The following FAT4 variants were observed in gnomAD, a reference collection of about 807,000 sequenced individuals.
FAT4 encodes the protein protocadherin Fat 4.
Under a neutral mutation model 303.9 loss-of-function variants are expected in FAT4, and 84 were observed. The ratio of observed to expected loss-of-function variants is 0.28; its 90% CI spans 0.23 to 0.33. The LOEUF (loss-of-function observed/expected upper bound fraction) is 0.33, where lower values mean the gene tolerates loss of function less well. FAT4 is among the 10% of genes least tolerant of loss of function. FAT4 has a pLI of 1.00. For synonymous variants in FAT4, 2,307 were observed against 2,298.8 expected, an observed-to-expected ratio of 1.00 and a Z score of -0.10; for missense variants, 6,005 against 6,146.8, an observed-to-expected ratio of 0.98 and a Z score of 0.77.
rs1484049556 is a variant in FAT4 at position 125,385,854 on chromosome 4, T to A, written c.5176-12930T>A. 2.0e-5 allele frequency among the ~76,000 whole-genome samples: 3 copies of A among 152,196 alleles called. No homozygotes were observed. In the East Asian group the frequency reaches 5.8e-4, roughly 29 times the overall value. ...AAAATTCAGCTTTTCGTCCAGCTTTTTGTCATACTCTTATTCCACTAAAAA... is the reference window on the plus strand; with the variant it reads ...AAAATTCAGCTTTTCGTCCAGCTTTATGTCATACTCTTATTCCACTAAAAA... On this transcript the variant is annotated intron_variant, in intron 2 of 17. Coordinates refer to ENST00000394329, the MANE Select transcript of FAT4 (RefSeq NM_001291303.3).
At chr4:125,463,049 T>C (rs1165217877) in intron 10 of FAT4, among the ~76,000 whole-genome samples, 1 of 152,060 alleles carries the variant, frequency 6.6e-6, no homozygotes, top group Non-Finnish European at 1.5e-5. Context: ...GAAAATATGA[T>C]GTGTTTTCTT....
intron 3 of FAT4, among the ~76,000 whole-genome samples, chr4:125,401,033 G>C (rs542920387): frequency 3.9e-5 from 6 of 151,974 alleles, no homozygotes; most frequent in Non-Finnish European, 8.8e-5. Context: ...AGGCAGAGAG[G>C]ATGGAAGGGA....
At chr4:125,427,103 GTT>G (rs1376944539) in intron 7 of FAT4, among the ~76,000 whole-genome samples, 2 of 151,672 alleles carry the variant, frequency 1.3e-5, no homozygotes, top group Non-Finnish European at 2.9e-5. Context: ...AAATTTTTGG[GTT>G]TCTTTAATGT....
chr4:125,392,270 A>G (rs891223932), intron 2 of FAT4, among the ~76,000 whole-genome samples: 1 of 152,138 alleles, frequency 6.6e-6, no homozygotes, highest in African/African-American at 2.4e-5. Context: ...GTCATAATTT[A>G]TGTGGTTTAA....
chr4:125,410,044 A>G (rs551010081), intron 5 of FAT4, among the ~76,000 whole-genome samples: 2 of 152,276 alleles, frequency 1.3e-5, no homozygotes, highest in Admixed American at 6.5e-5. Context: ...TTTCCTTCTC[A>G]TAGTGTCTAT....
At chr4:125,368,522 G>GTATA (rs11391727) in intron 2 of FAT4, among the ~76,000 whole-genome samples, 2,121 of 133,782 alleles carry the variant, frequency 0.016, 24 homozygotes, top group East Asian at 0.051. Flanking sequence ...TTATATATAT[G>GTATA]TATATATATA....
rs781336334 is a variant in FAT4 at position 125,408,749 on chromosome 4, G to A, written c.5875G>A (p.Val1959Met). Reference protein sequence around the residue: ...YSTSLMENLPVGSTVLVFNVT... With the variant: ...YSTSLMENLPMGSTVLVFNVT... The stretch of plus-strand genomic sequence containing the variant: ...CACATCTTTAATGGAGAATCTACCT[G>A]TGGGATCTACTGTTCTTGTGTTTAA... Residue 1959 changes from valine (V) to methionine (M), a missense_variant, in exon 5 of 18, where the codon GTG (valine) becomes ATG (methionine). Physicochemically the swap from Val to Met is conservative, Grantham distance 21 (BLOSUM62 1). Coordinates refer to ENST00000394329, the MANE Select transcript of FAT4 (RefSeq NM_001291303.3). 1 of 1,602,986 alleles carries A rather than the reference G, an allele frequency of 6.2e-7. No individual in the cohort carries two copies. Among genetic ancestry groups the A allele is most frequent in the South Asian group, 1.1e-5 (1 of 89,206 alleles).
intron 15 of FAT4, 21 bp from the exon 16 acceptor site, chr4:125,481,500 C>T (rs1401623515): frequency 1.2e-6 from 2 of 1,610,294 alleles, no homozygotes; most frequent in South Asian, 1.1e-5. Flanking sequence ...TTCATTTTCC[C>T]TTTTTTCCTT....
In FAT4 at chr4:125,477,294, G is replaced by C; in HGVS notation, c.12439G>C (p.Glu4147Gln). ...MEFAVNGRPL[E>Q]PSQALAAQGI... ...GTTTGCAGTCAATGGAAGGCCTCTG[G>C]AACCCAGCCAAGCTTTGGCAGCACA... Residue 4147 changes from glutamate (E) to glutamine (Q), a missense_variant, in exon 14 of 18, where the codon GAA (glutamate) becomes CAA (glutamine). Coordinates refer to ENST00000394329, the MANE Select transcript of FAT4 (RefSeq NM_001291303.3). 1 of 1,584,566 alleles carries C rather than the reference G, an allele frequency of 6.3e-7. No individual in the cohort carries two copies. Among genetic ancestry groups the C allele is most frequent in the Non-Finnish European group, 8.6e-7 (1 of 1,164,970 alleles).
chr4:125,398,922 C>T lies in FAT4; in HGVS notation c.5307+7C>T. Reference sequence around the variant, plus strand: ...AGCCATGGATGCTGATGAGGTAGCTCAAGCATGTCTCTGAATTTGTGAAAC... The same window carrying T: ...AGCCATGGATGCTGATGAGGTAGCTTAAGCATGTCTCTGAATTTGTGAAAC... On this transcript the variant is annotated splice_region_variant and intron_variant, in intron 3 of 17. Transcript: ENST00000394329. 6.2e-7 allele frequency: 1 copy of T among 1,612,458 alleles called. No individual in the cohort carries two copies. Among genetic ancestry groups the T allele is most frequent in the Non-Finnish European group, 8.5e-7 (1 of 1,178,914 alleles).
rs531674742 is a variant in FAT4 at position 125,404,624 on chromosome 4, C to CA, written c.5308-2254dup. ...CCCTTTTAAAAGATTTCTAAATGTA[C>CA]AATACAGTATTGTTAACTATAGGCA... is the stretch of plus-strand genomic sequence containing the variant. On this transcript the variant is annotated intron_variant, in intron 3 of 17. Transcript: ENST00000394329. Among the ~76,000 whole-genome samples, 5 of 152,152 alleles carry CA rather than the reference C, an allele frequency of 3.3e-5. No individual in the cohort carries two copies. The South Asian group carries it at 1.0e-3, about 32-fold the overall frequency.
chr4:125,344,453 C>T (rs1731921839), intron 2 of FAT4, among the ~76,000 whole-genome samples: 1 of 152,124 alleles, frequency 6.6e-6, no homozygotes, highest in Non-Finnish European at 1.5e-5. Context: ...GAAAATTCTT[C>T]AGCATACCTT....
intron 3 of FAT4, among the ~76,000 whole-genome samples, chr4:125,402,687 A>G (rs1246472359): frequency 6.6e-6 from 1 of 151,982 alleles, no homozygotes; most frequent in African/African-American, 2.4e-5. Flanking sequence ...CCATGAAGGA[A>G]AAAATGTATG....
At chr4:125,327,897 C>T (rs1385953379) in intron 2 of FAT4, among the ~76,000 whole-genome samples, 1 of 152,070 alleles carries the variant, frequency 6.6e-6, no homozygotes, top group African/African-American at 2.4e-5. Context: ...GAAAAACTGC[C>T]TAAGAACCTC....
intron 7 of FAT4, among the ~76,000 whole-genome samples, chr4:125,427,744 G>A (rs1421413128): frequency 6.6e-6 from 1 of 152,076 alleles, no homozygotes; most frequent in Non-Finnish European, 1.5e-5. Flanking sequence ...CTAGTCAGGG[G>A]ACCCATTTAC....
chr4:125,487,443 C>A lies in FAT4; in HGVS notation c.12921C>A (p.His4307Gln). The A allele has an allele frequency of 6.2e-7, 1 of 1,613,922 alleles. No homozygotes were observed. ...PEVYVADGHW[H>Q]TFLIGKNGTA... is the part of the protein sequence containing the mutation. ...TATATGTTGCAGACGGCCACTGGCACACTTTTCTAATTGGGAAAAATGGAA... is the reference window on the plus strand; with the variant it reads ...TATATGTTGCAGACGGCCACTGGCAAACTTTTCTAATTGGGAAAAATGGAA... The change falls in exon 17 of 18, where the codon CAC becomes CAA. Residue 4307 changes from histidine to glutamine, a missense_variant. Transcript: ENST00000394329.
At chr4:125,444,197 A>G (rs1725752123) in intron 8 of FAT4, among the ~76,000 whole-genome samples, 1 of 152,194 alleles carries the variant, frequency 6.6e-6, no homozygotes. Flanking sequence ...TGGGTAATTT[A>G]TAAAGAATAG....
intron 2 of FAT4, among the ~76,000 whole-genome samples, chr4:125,381,889 C>T (rs114643957): frequency 5.3e-5 from 8 of 152,256 alleles, no homozygotes; most frequent in East Asian, 1.9e-4. Flanking sequence ...GTCATTTCAA[C>T]GGTATTTACA....
chr4:125,483,945 T>G (rs1254352437), intron 16 of FAT4, among the ~76,000 whole-genome samples: 2 of 150,100 alleles, frequency 1.3e-5, no homozygotes, highest in South Asian at 2.1e-4. Flanking sequence ...CGTTTTTTTT[T>G]TTTTTTTTTT....
Sources: gnomAD v4.1 joint callset for allele counts (sites outside exome capture counted in the v4.1 genomes callset) on GRCh38, gnomAD v4.1.1 for gene constraint, MANE v1.5 for transcripts, NCBI Gene and HGNC (gene_info 2026-07-23, HGNC 2026-07-21) for gene names.